The following CACNA1C variants were observed in gnomAD, a reference collection of about 807,000 sequenced individuals.
The protein encoded by CACNA1C is voltage-dependent L-type calcium channel subunit alpha-1C.
Under a neutral mutation model 229.0 loss-of-function variants are expected in CACNA1C, and 30 were observed. That is an observed-to-expected ratio of 0.13 (90% CI 0.10 to 0.18). The LOEUF (loss-of-function observed/expected upper bound fraction) is 0.18. CACNA1C is among the 10% of genes least tolerant of loss of function. The pLI is 1.00. For missense variants in CACNA1C, 1,658 were observed against 2,845.0 expected (o/e 0.58, Z 9.49); for synonymous variants, 1,114 against 1,132.5 (o/e 0.98, Z 0.33).
intron 3 of CACNA1C, among the ~76,000 whole-genome samples, chr12:2,154,747 C>G (rs2095468940): frequency 6.6e-6 from 1 of 152,240 alleles, no homozygotes; most frequent in Admixed American, 6.5e-5. Flanking sequence ...CTCTCAGCTC[C>G]AAAGGCACAG....
intron 4 of CACNA1C, among the ~76,000 whole-genome samples, chr12:2,452,082 C>G (rs2099384211): frequency 6.6e-6 from 1 of 152,132 alleles, no homozygotes. Context: ...TATCCTTGGC[C>G]CCTCTTCTGT....
At chr12:2,367,952 T>G (rs968136548) in intron 3 of CACNA1C, among the ~76,000 whole-genome samples, 15 of 152,136 alleles carry the variant, frequency 9.9e-5, no homozygotes, top group South Asian at 4.1e-4. Flanking sequence ...ATCTTATATA[T>G]GTACACAGAT....
At chr12:2,594,696 G>A (rs976682956) in intron 19 of CACNA1C, among the ~76,000 whole-genome samples, 1 of 152,130 alleles carries the variant, frequency 6.6e-6, no homozygotes, top group Non-Finnish European at 1.5e-5. Context: ...CACTTATCCA[G>A]TGTTTCTTCA....
At position 2,566,366 on chromosome 12, in the gene CACNA1C, G is replaced by T. The variant is rs958732887; in HGVS notation, c.1509-56G>T. The T allele has an allele frequency of 2.0e-6, 3 of 1,473,870 alleles. No individual in the cohort carries two copies. Among genetic ancestry groups the T allele is most frequent in the Non-Finnish European group, 1.8e-6 (2 of 1,089,834 alleles). 91.3% of individuals were successfully genotyped at this position (1,473,870 alleles called of 1,614,324 possible). A position where few individuals can be genotyped will look rare whatever the true frequency, so the allele number is the denominator to read the frequency against. Reference sequence around the variant, plus strand: ...GAGCCATGGTGCTGCATCTTGGGTTGGAGGAAACCTGAATTCACAGCCAAC... The same window carrying T: ...GAGCCATGGTGCTGCATCTTGGGTTTGAGGAAACCTGAATTCACAGCCAAC... On this transcript the variant is annotated intron_variant, in intron 11 of 46. Coordinates refer to ENST00000399655, the MANE Select transcript of CACNA1C (RefSeq NM_000719.7). This position sits in a 1 kb window ranked among gnomAD's most constrained non-coding sequence, Gnocchi z 4.0.
rs11062205 is a variant in CACNA1C at position 2,368,262 on chromosome 12, G to A, written c.478-80714G>A. On this transcript the variant is annotated intron_variant, in intron 3 of 46. Transcript: ENST00000399655. ...TTAAAATCAAGAACAAGAAAGGAACGTGCACTAGAACCATTGCCAGTCAGC... is the reference window on the plus strand; with the variant it reads ...TTAAAATCAAGAACAAGAAAGGAACATGCACTAGAACCATTGCCAGTCAGC... 6.4e-3 allele frequency among the ~76,000 whole-genome samples: 970 copies of A among 152,292 alleles called. 4 individuals carry two copies. The highest frequency in any genetic ancestry group is 8.5e-3 in the Non-Finnish European group (577 of 68,028).
rs150989643 is a variant in CACNA1C at position 2,524,835 on chromosome 12, C to T, written c.1390+11851C>T. On this transcript the variant is annotated intron_variant, in intron 9 of 46. Coordinates refer to ENST00000399655, the MANE Select transcript of CACNA1C (RefSeq NM_000719.7). ...TTCCGCCTGACTTCCAGGGGACTGGCGAAGAGCAGCTAACTAAGTGCTCGG... is the reference window on the plus strand; with the variant it reads ...TTCCGCCTGACTTCCAGGGGACTGGTGAAGAGCAGCTAACTAAGTGCTCGG... Among the ~76,000 whole-genome samples the T allele has an allele frequency of 1.1e-4, 16 of 152,214 alleles. No individual in the cohort carries two copies. In the East Asian group the frequency reaches 2.3e-3, roughly 22 times the overall value.
intron 3 of CACNA1C, among the ~76,000 whole-genome samples, chr12:2,122,892 G>C (rs2087553790): frequency 6.6e-6 from 1 of 152,226 alleles, no homozygotes; most frequent in South Asian, 2.1e-4. Context: ...AACTCCAACT[G>C]TGCAGACCCC....
intron 5 of CACNA1C, among the ~76,000 whole-genome samples, chr12:2,463,745 T>A (rs887193349): frequency 6.6e-6 from 1 of 151,990 alleles, no homozygotes; most frequent in African/African-American, 2.4e-5. Flanking sequence ...ACTGCAGAGG[T>A]GAAAATCAGA....
intron 29 of CACNA1C, among the ~76,000 whole-genome samples, chr12:2,631,966 G>T (rs1429305600): frequency 6.6e-6 from 1 of 152,160 alleles, no homozygotes; most frequent in African/African-American, 2.4e-5. Flanking sequence ...GGAAAGGGAA[G>T]AACACAGATT....
At chr12:2,073,151 C>T (rs1451505285) in intron 1 of CACNA1C, among the ~76,000 whole-genome samples, 1 of 152,136 alleles carries the variant, frequency 6.6e-6, no homozygotes, top group Non-Finnish European at 1.5e-5. Flanking sequence ...CATGGAGCTC[C>T]AGTGCACAGG....
chr12:2,538,585 G>T (rs185977132), intron 9 of CACNA1C, among the ~76,000 whole-genome samples: 7 of 152,306 alleles, frequency 4.6e-5, no homozygotes, highest in Non-Finnish European at 1.0e-4. Context: ...TAAGAGACCA[G>T]AGTTGTACTG....
At chr12:2,047,558 C>T (rs1219290224) in intron 1 of CACNA1C, among the ~76,000 whole-genome samples, 1 of 152,194 alleles carries the variant, frequency 6.6e-6, no homozygotes, top group Non-Finnish European at 1.5e-5. Flanking sequence ...CTGATACTCA[C>T]CAGGCATATT....
At chr12:2,230,763 G>A (rs948503276) in intron 3 of CACNA1C, among the ~76,000 whole-genome samples, 1 of 152,234 alleles carries the variant, frequency 6.6e-6, no homozygotes, top group African/African-American at 2.4e-5. Context: ...AGTAACAGCA[G>A]CTAACCCTTC....
chr12:2,594,125 C>A (rs1462113305), intron 19 of CACNA1C, among the ~76,000 whole-genome samples: 1 of 152,166 alleles, frequency 6.6e-6, no homozygotes, highest in African/African-American at 2.4e-5. Context: ...TTAACATATT[C>A]TGTTGCCTTT....
At chr12:2,156,200 CAAGGT>C (rs1344770530) in intron 3 of CACNA1C, among the ~76,000 whole-genome samples, 2 of 152,116 alleles carry the variant, frequency 1.3e-5, no homozygotes, top group Non-Finnish European at 2.9e-5. Flanking sequence ...ATCGCAAAGT[CAAGGT>C]AATGTTGTGT....
intron 3 of CACNA1C, among the ~76,000 whole-genome samples, chr12:2,280,907 T>C (rs190509602): frequency 5.6e-4 from 85 of 152,376 alleles, no homozygotes; most frequent in South Asian, 2.1e-3. Context: ...TGTTGACTTA[T>C]TAGCTAAAAT....
chr12:2,656,770 A>G (rs2095445256), intron 34 of CACNA1C, among the ~76,000 whole-genome samples: 1 of 152,214 alleles, frequency 6.6e-6, no homozygotes, highest in Admixed American at 6.5e-5. Flanking sequence ...CCTGAGAAAT[A>G]AACCCACTCA....
At chr12:2,668,193 G>GTCTT (rs1228165027) in intron 37 of CACNA1C, among the ~76,000 whole-genome samples, 1 of 152,222 alleles carries the variant, frequency 6.6e-6, no homozygotes, top group Non-Finnish European at 1.5e-5. Context: ...CGTACAGCCG[G>GTCTT]TCTTTGCTGC....
rs1006189636 is a variant in CACNA1C, at chr12:2,609,490, G to C, written c.3558+778G>C. The stretch of plus-strand genomic sequence containing the variant: ...GCATAGACTCACTCTGCTGGCTGCT[G>C]TGTGGACCCTGGATTGAAAGAAGAC... On this transcript the variant is annotated intron_variant, in intron 27 of 46. Coordinates refer to ENST00000399655, the MANE Select transcript of CACNA1C (RefSeq NM_000719.7). 2.0e-5 allele frequency among the ~76,000 whole-genome samples: 3 copies of C among 151,362 alleles called. No individual in the cohort carries two copies. The South Asian group carries it at 6.3e-4, about 32-fold the overall frequency.
Sources: allele counts gnomAD v4.1 joint callset (sites outside exome capture counted in the v4.1 genomes callset), GRCh38; gene constraint gnomAD v4.1.1; non-coding constraint Gnocchi (gnomAD v3.1); transcripts MANE v1.5; gene names NCBI Gene and HGNC (gene_info 2026-07-23, HGNC 2026-07-21).